The following HCN1 variants were observed in gnomAD, a reference collection of about 807,000 sequenced individuals.
The protein encoded by HCN1 is potassium/sodium hyperpolarization-activated cyclic nucleotide-gated channel 1.
In HCN1, 13 loss-of-function variants were observed where a neutral mutation model predicts 78.9. The observed-to-expected ratio is 0.16, with a 90% CI of 0.11 to 0.26. The LOEUF (loss-of-function observed/expected upper bound fraction) is 0.26, where lower values mean the gene tolerates loss of function less well. Among genes scored for constraint, HCN1 ranks in the 10% least tolerant of loss-of-function variants. The pLI, the probability that HCN1 is intolerant of heterozygous loss-of-function variation, is 1.00. For missense variants in HCN1, 810 were observed against 1,154.3 expected, an observed-to-expected ratio of 0.70 and a Z score of 4.32; for synonymous variants, 552 against 455.5, an observed-to-expected ratio of 1.21 and a Z score of -2.70.
chr5:45,487,098 G>A (rs1288343731), intron 2 of HCN1, among the ~76,000 whole-genome samples: 2 of 152,030 alleles, frequency 1.3e-5, no homozygotes, highest in Non-Finnish European at 2.9e-5. Context: ...AAAGGATACA[G>A]CAAAACTTTG....
chr5:45,568,005 A>G (rs1395944684), intron 2 of HCN1, among the ~76,000 whole-genome samples: 1 of 152,080 alleles, frequency 6.6e-6, no homozygotes, highest in Admixed American at 6.6e-5. Context: ...GCTCAAAATT[A>G]TAGTGTTAGT....
At chr5:45,404,520 G>T (rs1213235616) in intron 3 of HCN1, among the ~76,000 whole-genome samples, 4 of 148,920 alleles carry the variant, frequency 2.7e-5, no homozygotes, top group African/African-American at 7.4e-5. Context: ...TTGAGGAAAA[G>T]ATATTGAGTC....
chr5:45,604,740 A>G (rs1389006053), intron 2 of HCN1, among the ~76,000 whole-genome samples: 1 of 152,054 alleles, frequency 6.6e-6, no homozygotes, highest in Non-Finnish European at 1.5e-5. Flanking sequence ...TTGAAAGAGC[A>G]GTAACAACAA....
chr5:45,355,520 A>C (rs1241103293), intron 4 of HCN1, among the ~76,000 whole-genome samples: 1 of 151,982 alleles, frequency 6.6e-6, no homozygotes, highest in Non-Finnish European at 1.5e-5. Context: ...TTAGGACATA[A>C]GGAAGCATGC....
intron 2 of HCN1, among the ~76,000 whole-genome samples, chr5:45,579,331 GTCA>G (rs1194057052): frequency 6.6e-6 from 1 of 151,964 alleles, no homozygotes; most frequent in Admixed American, 6.6e-5. Flanking sequence ...TTTTCCTACA[GTCA>G]TCATCAAGTT....
chr5:45,566,692 C>T (rs375028238), intron 2 of HCN1, among the ~76,000 whole-genome samples: 1 of 152,050 alleles, frequency 6.6e-6, no homozygotes, highest in African/African-American at 2.4e-5. Context: ...AAATAAAAGA[C>T]TCCCTTGACT....
intron 3 of HCN1, among the ~76,000 whole-genome samples, chr5:45,461,135 TAG>T (rs1339765314): frequency 6.6e-6 from 1 of 151,836 alleles, no homozygotes; most frequent in Non-Finnish European, 1.5e-5. Context: ...AAAATATATA[TAG>T]AGAGATTTAT....
intron 2 of HCN1, among the ~76,000 whole-genome samples, chr5:45,639,937 A>G (rs1225605153): frequency 6.6e-6 from 1 of 151,994 alleles, no homozygotes; most frequent in African/African-American, 2.4e-5. Flanking sequence ...TCCAAACTCA[A>G]TCTGGGAATC....
chr5:45,392,773 G>A (rs1419531903), intron 4 of HCN1, among the ~76,000 whole-genome samples: 2 of 150,022 alleles, frequency 1.3e-5, no homozygotes, highest in East Asian at 1.9e-4. Flanking sequence ...GCAACAGAGC[G>A]AGACTCCATC....
intron 5 of HCN1, among the ~76,000 whole-genome samples, chr5:45,327,491 G>T (rs2111946205): frequency 6.6e-6 from 1 of 151,606 alleles, no homozygotes; most frequent in Non-Finnish European, 1.5e-5. Flanking sequence ...AGGACCTAAG[G>T]AAATCAAGTC....
intron 5 of HCN1, among the ~76,000 whole-genome samples, chr5:45,336,432 C>T (rs1012363430): frequency 1.3e-5 from 2 of 152,058 alleles, no homozygotes; most frequent in Non-Finnish European, 2.9e-5. Flanking sequence ...TTTACAATCA[C>T]TTCCCAGAAG....
At chr5:45,553,140 C>A (rs1743403278) in intron 2 of HCN1, among the ~76,000 whole-genome samples, 1 of 151,822 alleles carries the variant, frequency 6.6e-6, no homozygotes, top group Admixed American at 6.6e-5. Flanking sequence ...TCCTAAATCA[C>A]CTGCCCAGAA....
chr5:45,609,103 T>C (rs1649510233), intron 2 of HCN1, among the ~76,000 whole-genome samples: 2 of 152,090 alleles, frequency 1.3e-5, no homozygotes, highest in Admixed American at 1.3e-4. Context: ...GAGGCAACAG[T>C]AACTCTCTCT....
chr5:45,558,879 A>G (rs919913657), intron 2 of HCN1: 2 of 151,208 alleles, frequency 1.3e-5, no homozygotes, highest in Non-Finnish European at 1.5e-5. Context: ...TGGCCTCCCA[A>G]GTAGTTAGGA....
intron 4 of HCN1, among the ~76,000 whole-genome samples, chr5:45,392,300 A>C (rs1739583259): frequency 6.6e-6 from 1 of 152,172 alleles, no homozygotes; most frequent in Non-Finnish European, 1.5e-5. Context: ...TTTATGTGGC[A>C]GTTCTGATTA....
intron 2 of HCN1, among the ~76,000 whole-genome samples, chr5:45,597,671 C>G (rs1036132984): frequency 6.6e-6 from 1 of 152,134 alleles, no homozygotes; most frequent in East Asian, 1.9e-4. Context: ...TAGAAAACTC[C>G]GTCATCTCAG....
At position 45,341,668 on chromosome 5, in the gene HCN1, G is replaced by T. The variant is rs1044556163; in HGVS notation, c.1377+11432C>A. Among the ~76,000 whole-genome samples, 3 of 152,122 alleles carry T rather than the reference G, an allele frequency of 2.0e-5. No individual in the cohort carries two copies. The East Asian group carries it at 5.8e-4, about 29-fold the overall frequency. On this transcript the variant is annotated intron_variant, in intron 5 of 7. Transcript: ENST00000303230. Reference sequence around the variant, plus strand: ...GTTACTCAGGAGGTTGAACTGGGAGGATCACTTGAGCCTGGGAGGTAAAGG... The same window carrying T: ...GTTACTCAGGAGGTTGAACTGGGAGTATCACTTGAGCCTGGGAGGTAAAGG...
intron 6 of HCN1, among the ~76,000 whole-genome samples, chr5:45,272,924 G>A (rs537425649): frequency 1.3e-5 from 2 of 152,180 alleles, no homozygotes; most frequent in East Asian, 3.9e-4. Context: ...TTTAAAGATT[G>A]TCTTGGCATA....
In HCN1 at chr5:45,256,057, T is replaced by C. The variant is rs1744605171; in HGVS notation, c.*5864A>G. 1 of 152,120 alleles carries C rather than the reference T, an allele frequency of 6.6e-6. No individual in the cohort carries two copies. The highest frequency in any genetic ancestry group is 1.5e-5 in the Non-Finnish European group (1 of 68,030). The allele number at this position is 152,120 out of a possible 1,614,324, so 9.4% of individuals were successfully genotyped here. A position where few individuals can be genotyped will look rare whatever the true frequency, so the allele number is the denominator to read the frequency against. On this transcript the variant is annotated 3_prime_UTR_variant, in exon 8 of 8. Coordinates refer to ENST00000303230, the MANE Select transcript of HCN1 (RefSeq NM_021072.4). ...ATAGTATTCTCTGCTCATATGGTATTACTGAAACAACTACATAGAAAAAAA... is the reference window on the plus strand; with the variant it reads ...ATAGTATTCTCTGCTCATATGGTATCACTGAAACAACTACATAGAAAAAAA...
Sources: allele counts gnomAD v4.1 joint callset (sites outside exome capture counted in the v4.1 genomes callset), GRCh38; gene constraint gnomAD v4.1.1; transcripts MANE v1.5; gene names NCBI Gene and HGNC (gene_info 2026-07-23, HGNC 2026-07-21).